HTR7: variants seen among roughly 807,000 people sequenced by gnomAD.
The protein encoded by HTR7 is 5-HT-7.
HTR7 carries 16 observed loss-of-function variants against 34.0 expected under a neutral mutation model. The observed-to-expected ratio is 0.47, with a 90% CI of 0.32 to 0.71. The LOEUF (loss-of-function observed/expected upper bound fraction) is 0.71. HTR7 is among the 30% of genes least tolerant of loss of function. The pLI is 0.04. For missense variants in HTR7, 504 were observed against 625.5 expected (o/e 0.81, Z 2.07); for synonymous variants, 265 against 260.2 (o/e 1.02, Z -0.18).
At chr10:90,768,370 T>A (rs758368683) in intron 1 of HTR7, among the ~76,000 whole-genome samples, 22 of 152,226 alleles carry the variant, frequency 1.4e-4, no homozygotes, top group Non-Finnish European at 2.6e-4. Flanking sequence ...ATATGAAACA[T>A]TTTCACACAC....
intron 1 of HTR7, among the ~76,000 whole-genome samples, chr10:90,853,699 T>C (rs1248151508): frequency 6.6e-6 from 1 of 152,194 alleles, no homozygotes; most frequent in African/African-American, 2.4e-5. Flanking sequence ...ATTAGAACAT[T>C]AGTCACATAG....
At chr10:90,756,904 T>C (rs1250344607) in intron 1 of HTR7, among the ~76,000 whole-genome samples, 1 of 152,126 alleles carries the variant, frequency 6.6e-6, no homozygotes, top group African/African-American at 2.4e-5. Flanking sequence ...TAGACAATTA[T>C]ACAAAGTCAT....
At chr10:90,774,505 T>C (rs1472376659) in intron 1 of HTR7, among the ~76,000 whole-genome samples, 1 of 152,090 alleles carries the variant, frequency 6.6e-6, no homozygotes, top group Non-Finnish European at 1.5e-5. Context: ...GGAGGCTGCT[T>C]CATGTGAATT....
chr10:90,771,037 G>C (rs561739356), intron 1 of HTR7, among the ~76,000 whole-genome samples: 83 of 152,322 alleles, frequency 5.4e-4, no homozygotes, highest in African/African-American at 1.9e-3. Flanking sequence ...AGGACCACAA[G>C]CTGCAGAAAG....
chr10:90,808,636 A>G (rs1383350027), intron 1 of HTR7, among the ~76,000 whole-genome samples: 1 of 152,052 alleles, frequency 6.6e-6, no homozygotes, highest in Non-Finnish European at 1.5e-5. Flanking sequence ...CTGGAGGGTA[A>G]GAACCCCTGA....
chr10:90,765,112 C>G (rs1006120002), intron 1 of HTR7, among the ~76,000 whole-genome samples: 1 of 152,176 alleles, frequency 6.6e-6, no homozygotes, highest in African/African-American at 2.4e-5. Flanking sequence ...TTCACATTAA[C>G]TCTTCCTTAA....
intron 2 of HTR7, among the ~76,000 whole-genome samples, chr10:90,746,176 A>G (rs1844630395): frequency 6.6e-6 from 1 of 152,186 alleles, no homozygotes; most frequent in Admixed American, 6.5e-5. Flanking sequence ...CTAACCTATC[A>G]TAAACTTTTG....
At chr10:90,798,275 C>T (rs17527332) in intron 1 of HTR7, among the ~76,000 whole-genome samples, 255 of 152,284 alleles carry the variant, frequency 1.7e-3, no homozygotes, top group Middle Eastern at 3.4e-3. Context: ...TGGGTACAAT[C>T]CTACTCAAAG....
At chr10:90,792,021 C>T (rs771852494) in intron 1 of HTR7, among the ~76,000 whole-genome samples, 2 of 152,044 alleles carry the variant, frequency 1.3e-5, no homozygotes, top group Non-Finnish European at 2.9e-5. Flanking sequence ...GCATTTACCA[C>T]GCAGAAAGAT....
At chr10:90,759,009 G>C (rs1844885188) in intron 1 of HTR7, among the ~76,000 whole-genome samples, 1 of 151,882 alleles carries the variant, frequency 6.6e-6, no homozygotes, top group Non-Finnish European at 1.5e-5. Context: ...CCAACATGGA[G>C]AAACCCTGTC....
At chr10:90,768,269 T>C (rs999901808) in intron 1 of HTR7, among the ~76,000 whole-genome samples, 7 of 152,350 alleles carry the variant, frequency 4.6e-5, no homozygotes, top group Middle Eastern at 3.4e-3. Flanking sequence ...AGCCTCTAAA[T>C]TGGTTCCCTC....
intron 1 of HTR7, among the ~76,000 whole-genome samples, chr10:90,811,748 G>A (rs913863608): frequency 3.3e-5 from 5 of 152,006 alleles, no homozygotes; most frequent in Non-Finnish European, 7.4e-5. Context: ...TACTCAACAT[G>A]CCCCGAGTCA....
rs942688859 is a variant in HTR7, at chr10:90,749,630, G to A, written c.540-36C>T. ...GATGGAAAGATAACAGATGAACACC[G>A]TGATCATAACTGGTCAACCAAGCAA... On this transcript the variant is annotated intron_variant, in intron 1 of 3. Transcript: ENST00000336152. This position sits in a 1 kb window ranked among gnomAD's most constrained non-coding sequence, Gnocchi z 4.2. 6.4e-6 allele frequency: 10 copies of A among 1,568,514 alleles called. No homozygotes were observed. Among genetic ancestry groups the A allele is most frequent in the Non-Finnish European group, 8.7e-6 (10 of 1,155,416 alleles).
At chr10:90,806,121 G>GT (rs1417168393) in intron 1 of HTR7, among the ~76,000 whole-genome samples, 2 of 152,130 alleles carry the variant, frequency 1.3e-5, no homozygotes, top group African/African-American at 2.4e-5. Context: ...TGAGGATGTG[G>GT]TTTTTTGCTA....
intron 1 of HTR7, among the ~76,000 whole-genome samples, chr10:90,816,935 T>C (rs1470574861): frequency 6.6e-6 from 1 of 152,244 alleles, no homozygotes; most frequent in Non-Finnish European, 1.5e-5. Context: ...GTTTTAAACA[T>C]TGATGAGTGC....
chr10:90,799,060 G>C (rs1845583388), intron 1 of HTR7, among the ~76,000 whole-genome samples: 1 of 152,136 alleles, frequency 6.6e-6, no homozygotes, highest in African/African-American at 2.4e-5. Context: ...TAGTGCCTGA[G>C]ATATTTTGCA....
At chr10:90,820,914 C>A (rs1845968951) in intron 1 of HTR7, among the ~76,000 whole-genome samples, 1 of 151,992 alleles carries the variant, frequency 6.6e-6, no homozygotes, top group East Asian at 1.9e-4. Context: ...AAAACTTAAC[C>A]ATCAAAAAAC....
intron 1 of HTR7, among the ~76,000 whole-genome samples, chr10:90,811,521 C>T (rs1845808955): frequency 1.3e-5 from 2 of 152,094 alleles, no homozygotes; most frequent in East Asian, 3.8e-4. Context: ...GTAATCGCCA[C>T]ACACCAGCAA....
chr10:90,786,940 T>C (rs1312294549), intron 1 of HTR7, among the ~76,000 whole-genome samples: 2 of 152,178 alleles, frequency 1.3e-5, no homozygotes, highest in Non-Finnish European at 2.9e-5. Flanking sequence ...GTTACTGCAT[T>C]TTCTCAGGAA....
Sources: allele counts gnomAD v4.1 joint callset (sites outside exome capture counted in the v4.1 genomes callset), GRCh38; gene constraint gnomAD v4.1.1; non-coding constraint Gnocchi (gnomAD v3.1); transcripts MANE v1.5; gene names NCBI Gene and HGNC (gene_info 2026-07-23, HGNC 2026-07-21).